Variants in SCN2A observed in about 807,000 individuals in gnomAD.
The protein encoded by SCN2A is sodium voltage-gated channel alpha subunit 2, also known as sodium channel protein type 2 subunit alpha.
Under a neutral mutation model 188.7 loss-of-function variants are expected in SCN2A, and 20 were observed. That is an observed-to-expected ratio of 0.11 (90% CI 0.07 to 0.15). SCN2A has a LOEUF of 0.15. Ranked by LOEUF, SCN2A falls within the 10% of genes least tolerant of loss-of-function variation. The pLI is 1.00. For synonymous variants in SCN2A, 804 were observed against 833.1 expected (o/e 0.97, Z 0.60); for missense variants, 1,278 against 2,445.0 (o/e 0.52, Z 10.07).
At chr2:165,343,862 A>G (rs1002624022) in intron 15 of SCN2A, among the ~76,000 whole-genome samples, 34 of 152,330 alleles carry the variant, frequency 2.2e-4, no homozygotes, top group Non-Finnish European at 3.7e-4. Flanking sequence ...TGTTTAAAAT[A>G]TAGCCTAAAG....
chr2:165,328,367 C>T (rs954599913), intron 13 of SCN2A: 3 of 385,668 alleles, frequency 7.8e-6, no homozygotes, highest in African/African-American at 6.6e-5. Context: ...CCTCTTCCCC[C>T]CAGCTGCCAG....
At position 165,389,095 on chromosome 2, in the gene SCN2A, C is replaced by G. The variant is rs1381791914; in HGVS notation, c.5289C>G (p.Ser1763=). 1 of 1,614,054 alleles carries G rather than the reference C, an allele frequency of 6.2e-7. No individual in the cohort carries two copies. Among genetic ancestry groups the G allele is most frequent in the South Asian group, 1.1e-5 (1 of 91,072 alleles). ...IFFFVSYIII[S]FLVVVNMYIA... is the part of the protein sequence containing the mutation. ...TTTTTGTCAGTTACATCATCATATCCTTCCTGGTTGTGGTGAACATGTACA... is the reference window on the plus strand; with the variant it reads ...TTTTTGTCAGTTACATCATCATATCGTTCCTGGTTGTGGTGAACATGTACA... Residue 1763 remains serine (S), a synonymous_variant, in exon 27 of 27, where the codon TCC becomes TCG. Coordinates refer to ENST00000375437, the MANE Select transcript of SCN2A (RefSeq NM_001040142.2). This position sits in a 1 kb window ranked among gnomAD's most constrained non-coding sequence, Gnocchi z 4.2.
chr2:165,282,480 A>G (rs1695623813), intron 1 of SCN2A, among the ~76,000 whole-genome samples: 1 of 152,244 alleles, frequency 6.6e-6, no homozygotes, highest in Non-Finnish European at 1.5e-5. Flanking sequence ...AACATTAAAT[A>G]GCAAATAAAA....
chr2:165,276,002 G>A (rs1270752644), intron 1 of SCN2A, among the ~76,000 whole-genome samples: 1 of 152,064 alleles, frequency 6.6e-6, no homozygotes, highest in South Asian at 2.1e-4. Context: ...CAAAGTGCTG[G>A]GATGGCAGGC....
chr2:165,266,984 A>G (rs1694895049), intron 1 of SCN2A: 1 of 152,068 alleles, frequency 6.6e-6, no homozygotes, highest in African/African-American at 2.4e-5. Flanking sequence ...ACTATAAAAC[A>G]TGGATTAAAG....
At chr2:165,306,507 TGTGTGTGTGTG>T (rs1697142945) in intron 3 of SCN2A, among the ~76,000 whole-genome samples, 15 of 644 alleles carry the variant, frequency 0.023, no homozygotes, top group Admixed American at 0.056. Context: ...TGGTATTTTG[TGTGTGTGTGTG>T]TGTGTGTGTG....
chr2:165,306,987 T>A (rs1403159077), intron 3 of SCN2A, among the ~76,000 whole-genome samples: 1 of 152,176 alleles, frequency 6.6e-6, no homozygotes, highest in Non-Finnish European at 1.5e-5. Flanking sequence ...CTGAATATTT[T>A]CTTAAATAGT....
At chr2:165,300,038 G>T (rs1300032973) in intron 3 of SCN2A, among the ~76,000 whole-genome samples, 4 of 151,996 alleles carry the variant, frequency 2.6e-5, no homozygotes, top group Non-Finnish European at 4.4e-5. Context: ...TTTTACCAGG[G>T]TGCATTCTGA....
intron 1 of SCN2A, among the ~76,000 whole-genome samples, chr2:165,291,090 G>A (rs1360599070): frequency 1.6e-5 from 2 of 124,334 alleles, no homozygotes; most frequent in Non-Finnish European, 3.1e-5. Context: ...TGCCCAGGCT[G>A]GAGTGCAGTG....
At chr2:165,287,354 G>T (rs551221799) in intron 1 of SCN2A, among the ~76,000 whole-genome samples, 299 of 152,268 alleles carry the variant, frequency 2.0e-3, no homozygotes, top group African/African-American at 6.9e-3. Context: ...GAAGTTGTGT[G>T]CATGCTCACT....
rs763114190 is a variant in SCN2A at position 165,315,523 on chromosome 2, G to T, written c.1436G>T (p.Gly479Val). Residue 479 changes from glycine (G) to valine (V), a missense_variant, in exon 11 of 27, where the codon GGG (glycine) becomes GTG (valine). Gly to Val is a moderately radical substitution (Grantham distance 109). Transcript: ENST00000375437. ...TCAAGAGACTTCAGTGGTGCTGGTG[G>T]GATAGGAGTTTTTTCAGAGAGTTCT... is the stretch of plus-strand genomic sequence containing the variant. Reference protein sequence around the residue: ...AESRDFSGAGGIGVFSESSSV... With the variant: ...AESRDFSGAGVIGVFSESSSV... 6 of 1,613,992 alleles carry T rather than the reference G, an allele frequency of 3.7e-6. No homozygotes were observed. In the East Asian group the frequency reaches 1.3e-4, roughly 36 times the overall value.
intron 10 of SCN2A, among the ~76,000 whole-genome samples, chr2:165,314,386 G>A (rs1461538848): frequency 2.6e-5 from 4 of 152,038 alleles, no homozygotes; most frequent in Non-Finnish European, 5.9e-5. Flanking sequence ...ATTAACAAAG[G>A]CCTCATGTAC....
Position 165,374,964 on chromosome 2 carries a change from G to T in SCN2A, c.4252G>T (p.Val1418Leu). Residue 1418 changes from valine (V) to leucine (L), a missense_variant and splice_region_variant, in exon 22 of 27, where the codon GTA becomes TTA. Transcript: ENST00000375437. ...ACTTGGATATCTGTCTCTACTTCAA[G>T]TAGTAAGTAATCACTTTATTATTTT... ...VGLGYLSLLQVATFKGWMDIM... is the reference protein window; with the variant it reads ...VGLGYLSLLQLATFKGWMDIM... 6.2e-7 allele frequency: 1 copy of T among 1,612,124 alleles called. No individual in the cohort carries two copies. The highest frequency in any genetic ancestry group is 2.2e-5 in the East Asian group (1 of 44,816).
intron 25 of SCN2A, among the ~76,000 whole-genome samples, chr2:165,381,908 G>C (rs1432422446): frequency 1.3e-5 from 2 of 151,904 alleles, no homozygotes; most frequent in African/African-American, 2.4e-5. Flanking sequence ...CGTATACGTG[G>C]TATAAAACAC....
intron 1 of SCN2A, chr2:165,270,032 T>A (rs1235137920): frequency 6.6e-6 from 1 of 151,962 alleles, no homozygotes; most frequent in Non-Finnish European, 1.5e-5. Flanking sequence ...ATCTCCTCTG[T>A]TGTTTACTTT....
chr2:165,301,073 G>A (rs1435709593), intron 3 of SCN2A, among the ~76,000 whole-genome samples: 1 of 152,162 alleles, frequency 6.6e-6, no homozygotes, highest in Non-Finnish European at 1.5e-5. Context: ...ATAGGAGGAA[G>A]GCAGGGACTA....
intron 1 of SCN2A, among the ~76,000 whole-genome samples, chr2:165,255,404 A>G (rs908550868): frequency 7.9e-5 from 12 of 152,102 alleles, no homozygotes; most frequent in African/African-American, 2.9e-4. Context: ...TTTCCAGTTT[A>G]AAAAAATGTA....
At chr2:165,349,802 A>G (rs568916434) in intron 16 of SCN2A, among the ~76,000 whole-genome samples, 1 of 152,304 alleles carries the variant, frequency 6.6e-6, no homozygotes, top group South Asian at 2.1e-4. Context: ...CTATTAAGGA[A>G]ATGTGCTTAT....
chr2:165,344,462 T>A (rs1055452363), intron 15 of SCN2A, 93 bp from the exon 16 acceptor site: 9 of 807,294 alleles, frequency 1.1e-5, no homozygotes, highest in South Asian at 4.4e-5. Flanking sequence ...TAAAATAAAA[T>A]AAAAATAAAA....
Sources: allele counts gnomAD v4.1 joint callset (sites outside exome capture counted in the v4.1 genomes callset), GRCh38; gene constraint gnomAD v4.1.1; non-coding constraint Gnocchi (gnomAD v3.1); transcripts MANE v1.5; gene names NCBI Gene and HGNC (gene_info 2026-07-23, HGNC 2026-07-21).